TTC28: variants seen among roughly 807,000 people sequenced by gnomAD.
The protein encoded by TTC28 is tetratricopeptide repeat domain 28.
In TTC28, 61 loss-of-function variants were observed where a neutral mutation model predicts 198.0. The ratio of observed to expected loss-of-function variants is 0.31; its 90% CI spans 0.25 to 0.38. The LOEUF (loss-of-function observed/expected upper bound fraction) is 0.38, where lower values mean the gene tolerates loss of function less well. TTC28 is among the 10% of genes least tolerant of loss of function. The pLI is 1.00. For missense variants in TTC28, 2,678 were observed against 3,164.0 expected, an observed-to-expected ratio of 0.85 and a Z score of 3.69; for synonymous variants, 1,171 against 1,297.8, an observed-to-expected ratio of 0.90 and a Z score of 2.10.
chr22:28,083,405 G>T (rs1941438004), intron 12 of TTC28, among the ~76,000 whole-genome samples: 1 of 152,210 alleles, frequency 6.6e-6, no homozygotes, highest in African/African-American at 2.4e-5. Flanking sequence ...GACAGGCTCT[G>T]ACACTGGGGT....
Position 27,985,277 on chromosome 22 carries a change from G to T in TTC28, c.5787C>A (p.Phe1929Leu). The T allele has an allele frequency of 6.4e-7, 1 of 1,551,484 alleles. No homozygotes were observed. Among genetic ancestry groups the T allele is most frequent in the Non-Finnish European group, 8.7e-7 (1 of 1,146,874 alleles). Residue 1929 changes from phenylalanine (F) to leucine (L), a missense_variant, in exon 22 of 23, where the codon TTC becomes TTA. Phe to Leu is a conservative substitution (Grantham distance 22, BLOSUM62 0). Coordinates refer to ENST00000397906, the MANE Select transcript of TTC28 (RefSeq NM_001145418.2). ...ACAGAGACAGCAGGGACTGGAGCGC[G>T]AAGTGCACAGTCCGTCGATTAGCTT... ...GKQANRRTVH[F>L]ALQSLLSLFD... is the part of the protein sequence containing the mutation.
intron 6 of TTC28, among the ~76,000 whole-genome samples, chr22:28,161,934 G>A (rs935665199): frequency 7.9e-5 from 12 of 151,486 alleles, no homozygotes; most frequent in African/African-American, 2.9e-4. Flanking sequence ...AGGGAGGGAA[G>A]GTGGCTAAGT....
chr22:28,520,054 A>C (rs2048871663), intron 2 of TTC28, among the ~76,000 whole-genome samples: 1 of 152,190 alleles, frequency 6.6e-6, no homozygotes, highest in African/African-American at 2.4e-5. Context: ...CAATAAGACA[A>C]ATTGATTTAC....
chr22:28,009,603 G>A (rs1938062149), intron 14 of TTC28, among the ~76,000 whole-genome samples: 1 of 152,198 alleles, frequency 6.6e-6, no homozygotes, highest in Non-Finnish European at 1.5e-5. Flanking sequence ...CAGGTGACGG[G>A]TGCCAAACCC....
intron 10 of TTC28, 50 bp from the exon 11 acceptor site, chr22:28,096,458 T>C: frequency 2.6e-6 from 4 of 1,537,020 alleles, no homozygotes; most frequent in South Asian, 2.4e-5. Flanking sequence ...TGTGCTTACT[T>C]AGAGAGGCCT....
chr22:28,228,335 C>T (rs1480463994), intron 5 of TTC28, among the ~76,000 whole-genome samples: 1 of 152,152 alleles, frequency 6.6e-6, no homozygotes, highest in Admixed American at 6.5e-5. Context: ...TGGCACTGAA[C>T]TGTGTAGCTA....
chr22:28,282,674 G>A (rs2044607068), intron 5 of TTC28, among the ~76,000 whole-genome samples: 1 of 152,194 alleles, frequency 6.6e-6, no homozygotes, highest in African/African-American at 2.4e-5. Context: ...GTCTGTCCAT[G>A]ATAGAAGGCC....
At chr22:28,436,256 CT>C (rs1182147766) in intron 2 of TTC28, among the ~76,000 whole-genome samples, 1 of 152,198 alleles carries the variant, frequency 6.6e-6, no homozygotes, top group African/African-American at 2.4e-5. Context: ...TGCCAACTGA[CT>C]GAAGATCACT....
At chr22:28,589,004 C>T (rs559609922) in intron 2 of TTC28, among the ~76,000 whole-genome samples, 1 of 152,302 alleles carries the variant, frequency 6.6e-6, no homozygotes, top group African/African-American at 2.4e-5. Context: ...GAGTATCATA[C>T]TTAATTTCTG....
chr22:28,352,228 A>G (rs1387428467), intron 2 of TTC28, among the ~76,000 whole-genome samples: 1 of 151,894 alleles, frequency 6.6e-6, no homozygotes, highest in East Asian at 1.9e-4. Context: ...TTGAATACCA[A>G]CTATGTGCAA....
At chr22:28,097,908 T>A (rs1411807397) in intron 10 of TTC28, among the ~76,000 whole-genome samples, 1 of 152,178 alleles carries the variant, frequency 6.6e-6, no homozygotes, top group Non-Finnish European at 1.5e-5. Flanking sequence ...TTATAATAGA[T>A]AATAAACTGT....
At chr22:28,287,160 T>G (rs753709242) in intron 5 of TTC28, among the ~76,000 whole-genome samples, 3 of 152,180 alleles carry the variant, frequency 2.0e-5, no homozygotes, top group Admixed American at 2.0e-4. Flanking sequence ...ACTATTGTCA[T>G]AAAGATAGAC....
chr22:28,124,164 TCTC>T (rs1942858930), intron 6 of TTC28, among the ~76,000 whole-genome samples: 2 of 109,460 alleles, frequency 1.8e-5, no homozygotes, highest in Admixed American at 2.1e-4. Context: ...TTCACTTATC[TCTC>T]TTTGTTGTTG....
intron 2 of TTC28, among the ~76,000 whole-genome samples, chr22:28,554,225 C>T (rs1295929739): frequency 1.8e-4 from 27 of 151,962 alleles, no homozygotes; most frequent in Non-Finnish European, 4.0e-4. Context: ...TACCCAGGGA[C>T]ACAAACACTG....
chr22:28,009,345 A>G (rs1938047934), intron 14 of TTC28, among the ~76,000 whole-genome samples: 1 of 152,268 alleles, frequency 6.6e-6, no homozygotes, highest in South Asian at 2.1e-4. Context: ...AAATAATTAT[A>G]TGCCCCATGT....
Position 28,230,832 on chromosome 22 carries a change from C to T in TTC28, c.933+65366G>A, listed in dbSNP as rs566377964. ...TTCCAATTCCAGGATTTTAATCCTC[C>T]TCAGCCAAGAGAAATGACCTAATAG... On this transcript the variant is annotated intron_variant, in intron 5 of 22. Coordinates refer to ENST00000397906, the MANE Select transcript of TTC28 (RefSeq NM_001145418.2). 7.9e-5 allele frequency among the ~76,000 whole-genome samples: 12 copies of T among 152,238 alleles called. No individual in the cohort carries two copies. The South Asian group carries it at 2.5e-3, about 32-fold the overall frequency.
At position 28,567,479 on chromosome 22, in the gene TTC28, C is replaced by CATATATATATATATATATATATAT. The variant is rs398040471; in HGVS notation, c.381+62049_381+62072dup. On this transcript the variant is annotated intron_variant, in intron 2 of 22. Coordinates refer to ENST00000397906, the MANE Select transcript of TTC28 (RefSeq NM_001145418.2). ...CACACCACACGCATATACATACATA[C>CATATATATATATATATATATATAT]ATATATATATATATATATATATATA... is the stretch of plus-strand genomic sequence containing the variant. 4.7e-3 allele frequency among the ~76,000 whole-genome samples: 240 copies of CATATATATATATATATATATATAT among 51,106 alleles called. 28 individuals carry two copies. The highest frequency in any genetic ancestry group is 5.6e-3 in the Non-Finnish European group (159 of 28,378). 33.5% of individuals were successfully genotyped at this position (51,106 alleles called of 152,430 possible).
chr22:28,572,367 T>G (rs2050077456), intron 2 of TTC28, among the ~76,000 whole-genome samples: 3 of 152,132 alleles, frequency 2.0e-5, no homozygotes, highest in Admixed American at 1.3e-4. Flanking sequence ...ATGACAGCAT[T>G]GTTCGTAATA....
intron 2 of TTC28, among the ~76,000 whole-genome samples, chr22:28,428,690 G>A (rs1011183932): frequency 4.1e-4 from 62 of 151,444 alleles, no homozygotes; most frequent in Admixed American, 1.3e-3. Context: ...CCAGGCTGGA[G>A]TGCAGTGGCA....
Sources: allele counts gnomAD v4.1 joint callset (sites outside exome capture counted in the v4.1 genomes callset), GRCh38; gene constraint gnomAD v4.1.1; transcripts MANE v1.5; gene names NCBI Gene and HGNC (gene_info 2026-07-23, HGNC 2026-07-21).